Variants in SUCLG2 observed in about 807,000 individuals in gnomAD.
The protein encoded by SUCLG2 is succinate--CoA ligase [GDP-forming] subunit beta, mitochondrial.
A neutral mutation model predicts 47.9 loss-of-function variants in SUCLG2; 42 were observed. That is an observed-to-expected ratio of 0.88 (90% CI 0.69 to 1.14). The LOEUF is 1.14. Ranked by LOEUF, SUCLG2 falls within the 50% of genes most tolerant of loss-of-function variation. The pLI is 0.00. For missense variants in SUCLG2, 571 were observed against 525.9 expected (o/e 1.09, Z -0.84); for synonymous variants, 195 against 197.3 (o/e 0.99, Z 0.10).
At chr3:67,597,005 T>C (rs1041607565) in intron 2 of SUCLG2, among the ~76,000 whole-genome samples, 3 of 152,206 alleles carry the variant, frequency 2.0e-5, no homozygotes, top group African/African-American at 7.2e-5. Flanking sequence ...AAAGCCACTA[T>C]GGACCAGGGA....
intron 9 of SUCLG2, among the ~76,000 whole-genome samples, chr3:67,405,989 C>T (rs1484361381): frequency 6.6e-6 from 1 of 152,136 alleles, no homozygotes; most frequent in Non-Finnish European, 1.5e-5. Flanking sequence ...AATATCCTTC[C>T]AAGCCAGCAA....
At chr3:67,568,918 G>T (rs955725173) in intron 2 of SUCLG2, among the ~76,000 whole-genome samples, 9 of 152,144 alleles carry the variant, frequency 5.9e-5, no homozygotes, top group Non-Finnish European at 1.3e-4. Context: ...AATAAAGAGT[G>T]AAAGCTCTAA....
chr3:67,513,481 T>G (rs567931238), intron 6 of SUCLG2, among the ~76,000 whole-genome samples: 45 of 152,354 alleles, frequency 3.0e-4, no homozygotes, highest in Non-Finnish European at 6.0e-4. Context: ...GGTTCTCCCT[T>G]GTAGATCTCA....
intron 2 of SUCLG2, among the ~76,000 whole-genome samples, chr3:67,573,932 G>A (rs897735777): frequency 6.6e-6 from 1 of 152,104 alleles, no homozygotes; most frequent in Non-Finnish European, 1.5e-5. Context: ...TTTTTTCCTG[G>A]AGGCACTATG....
intron 9 of SUCLG2, among the ~76,000 whole-genome samples, chr3:67,493,996 G>A (rs1021007613): frequency 6.6e-6 from 1 of 152,184 alleles, no homozygotes; most frequent in South Asian, 2.1e-4. Flanking sequence ...CTGGAGAACT[G>A]AAGATAAGTG....
At chr3:67,545,228 A>G (rs574631304) in intron 2 of SUCLG2, among the ~76,000 whole-genome samples, 10 of 152,222 alleles carry the variant, frequency 6.6e-5, no homozygotes, top group Non-Finnish European at 5.9e-5. Flanking sequence ...TGCTAGAGAT[A>G]CAGAATTCCA....
chr3:67,503,781 G>A (rs1705564542), intron 7 of SUCLG2, among the ~76,000 whole-genome samples: 1 of 152,168 alleles, frequency 6.6e-6, no homozygotes, highest in South Asian at 2.1e-4. Flanking sequence ...TTTTCCTTCT[G>A]AACGAATATC....
chr3:67,432,327 C>T (rs997439406), intron 9 of SUCLG2, among the ~76,000 whole-genome samples: 1 of 152,118 alleles, frequency 6.6e-6, no homozygotes, highest in Admixed American at 6.5e-5. Context: ...AGCAATTGGT[C>T]TTAGTAAATG....
At chr3:67,498,041 T>C in intron 8 of SUCLG2, 93 bp downstream of exon 8, 6 of 1,334,398 alleles carry the variant, frequency 4.5e-6, no homozygotes, top group Non-Finnish European at 6.2e-6. Context: ...CTTATGTGCT[T>C]ACTTCTTCTT....
intron 2 of SUCLG2, among the ~76,000 whole-genome samples, chr3:67,572,924 G>A (rs1707653313): frequency 6.6e-6 from 1 of 152,022 alleles, no homozygotes; most frequent in Non-Finnish European, 1.5e-5. Flanking sequence ...AAAATGTTAA[G>A]GAATCAATTT....
At chr3:67,448,272 G>C (rs914003892) in intron 9 of SUCLG2, among the ~76,000 whole-genome samples, 1 of 152,132 alleles carries the variant, frequency 6.6e-6, no homozygotes, top group Non-Finnish European at 1.5e-5. Context: ...AGTTTCATTT[G>C]TATTAACATA....
chr3:67,444,282 G>A (rs1703866119), intron 9 of SUCLG2, among the ~76,000 whole-genome samples: 2 of 70,588 alleles, frequency 2.8e-5, no homozygotes, highest in Non-Finnish European at 6.1e-5. Flanking sequence ...CCAGGAGGGA[G>A]ATGGGGGGGT....
intron 4 of SUCLG2, among the ~76,000 whole-genome samples, chr3:67,526,370 G>A (rs913755191): frequency 5.9e-5 from 9 of 152,204 alleles, no homozygotes; most frequent in African/African-American, 1.9e-4. Context: ...GCCATCCTGG[G>A]ATGCCTGTGG....
At chr3:67,605,254 A>G (rs1166829116) in intron 2 of SUCLG2, among the ~76,000 whole-genome samples, 1 of 152,206 alleles carries the variant, frequency 6.6e-6, no homozygotes, top group African/African-American at 2.4e-5. Flanking sequence ...TAAAACTTCA[A>G]TCGTGCTCTT....
chr3:67,549,288 T>C (rs1706948845), intron 2 of SUCLG2, among the ~76,000 whole-genome samples: 1 of 152,182 alleles, frequency 6.6e-6, no homozygotes, highest in South Asian at 2.1e-4. Context: ...CGACTATCTT[T>C]AACCAAAAGC....
At chr3:67,396,634 T>C (rs1446175835) in intron 10 of SUCLG2, among the ~76,000 whole-genome samples, 3 of 152,036 alleles carry the variant, frequency 2.0e-5, no homozygotes, top group Admixed American at 2.0e-4. Flanking sequence ...ACTACTCTAA[T>C]CAATAGAAAA....
At chr3:67,438,106 T>C (rs1214462603) in intron 9 of SUCLG2, among the ~76,000 whole-genome samples, 1 of 152,206 alleles carries the variant, frequency 6.6e-6, no homozygotes, top group East Asian at 1.9e-4. Flanking sequence ...ACGTGGAAAC[T>C]GAACAACCTG....
At chr3:67,380,376 G>T (rs1275494525) in intron 10 of SUCLG2, among the ~76,000 whole-genome samples, 1 of 152,078 alleles carries the variant, frequency 6.6e-6, no homozygotes, top group Non-Finnish European at 1.5e-5. Flanking sequence ...CAGGGCCAGG[G>T]AAGAAAGGGG....
At position 67,463,717 on chromosome 3, in the gene SUCLG2, C is replaced by T. The variant is rs550160370; in HGVS notation, c.1062+32081G>A. The stretch of plus-strand genomic sequence containing the variant: ...GATACTGTTAGCCTGGAAAATATTG[C>T]CCTAATCCAGTTGACTGGGGTTGTA... On this transcript the variant is annotated intron_variant, in intron 9 of 10. Transcript: ENST00000307227. Among the ~76,000 whole-genome samples, 5 of 152,252 alleles carry T rather than the reference C, an allele frequency of 3.3e-5. No homozygotes were observed. The East Asian group carries it at 9.7e-4, about 29-fold the overall frequency.
Sources: allele counts gnomAD v4.1 joint callset (sites outside exome capture counted in the v4.1 genomes callset), GRCh38; gene constraint gnomAD v4.1.1; transcripts MANE v1.5; gene names NCBI Gene and HGNC (gene_info 2026-07-23, HGNC 2026-07-21).